The following ANO2 variants were observed in gnomAD, a reference collection of about 807,000 sequenced individuals.
The protein encoded by ANO2 is anoctamin 2.
ANO2 carries 101 observed loss-of-function variants against 124.2 expected under a neutral mutation model. The ratio of observed to expected loss-of-function variants is 0.81; its 90% CI spans 0.69 to 0.96. The LOEUF (loss-of-function observed/expected upper bound fraction) is 0.96. ANO2 is among the 40% of genes least tolerant of loss of function. ANO2 has a pLI of 0.00. For synonymous variants in ANO2, 486 were observed against 482.5 expected, an observed-to-expected ratio of 1.01 and a Z score of -0.09; for missense variants, 1,293 against 1,274.5, an observed-to-expected ratio of 1.01 and a Z score of -0.22.
At position 5,647,738 on chromosome 12, in the gene ANO2, T is replaced by C. The variant is rs1946716579; in HGVS notation, c.1609A>G (p.Ile537Val). 2 of 1,609,888 alleles carry C rather than the reference T, an allele frequency of 1.2e-6. No homozygotes were observed. The highest frequency in any genetic ancestry group is 8.5e-7 in the Non-Finnish European group (1 of 1,178,368). The change falls in exon 15 of 25, where the codon ATC (isoleucine) becomes GTC (valine). Residue 537 changes from isoleucine (I) to valine (V), a missense_variant. Physicochemically the swap from Ile to Val is conservative, Grantham distance 29. Coordinates refer to ENST00000682330, the MANE Select transcript of ANO2 (RefSeq NM_001364791.2). ...FPGYLMNFAS[I>V]LFMIALTFSI... ...CTCAAGGAAATTACCATGAATAAGA[T>C]GGAGGCAAAGTTCATCAGGTAACCT... is the stretch of plus-strand genomic sequence containing the variant.
At chr12:5,701,795 G>T (rs1267136157) in intron 14 of ANO2, among the ~76,000 whole-genome samples, 1 of 152,052 alleles carries the variant, frequency 6.6e-6, no homozygotes, top group Admixed American at 6.6e-5. Context: ...AAACTAAAAC[G>T]GTCTCTTCCT....
intron 20 of ANO2, among the ~76,000 whole-genome samples, chr12:5,596,778 C>T (rs892967220): frequency 1.3e-5 from 2 of 152,094 alleles, no homozygotes; most frequent in South Asian, 2.1e-4. Context: ...GGCTTCAAGA[C>T]CATTAAGAGG....
chr12:5,758,361 G>A (rs1951641995), intron 10 of ANO2, among the ~76,000 whole-genome samples: 1 of 152,188 alleles, frequency 6.6e-6, no homozygotes, highest in Non-Finnish European at 1.5e-5. Flanking sequence ...TCATTTCTGA[G>A]GCTTGAGTGC....
chr12:5,613,012 C>T lies in ANO2; in HGVS notation c.1929-54G>A, dbSNP rs186694643. ...GGGGAAGAGAAAGCATGCAGGGTGGCTCAAGGACATGTCTTCTGAGGGGAA... is the reference window on the plus strand; with the variant it reads ...GGGGAAGAGAAAGCATGCAGGGTGGTTCAAGGACATGTCTTCTGAGGGGAA... On this transcript the variant is annotated intron_variant, in intron 17 of 24. Transcript: ENST00000682330. 113 of 1,576,130 alleles carry T rather than the reference C, an allele frequency of 7.2e-5. No individual in the cohort carries two copies. The East Asian group carries it at 2.4e-3, about 33-fold the overall frequency.
At chr12:5,571,454 G>A (rs1293326132) in intron 23 of ANO2, among the ~76,000 whole-genome samples, 1 of 152,170 alleles carries the variant, frequency 6.6e-6, no homozygotes, top group Non-Finnish European at 1.5e-5. Flanking sequence ...TCTATCCCTG[G>A]CGAGGCTGGG....
At chr12:5,669,566 T>A (rs1434384407) in intron 14 of ANO2, among the ~76,000 whole-genome samples, 3 of 152,196 alleles carry the variant, frequency 2.0e-5, no homozygotes, top group Non-Finnish European at 4.4e-5. Context: ...GAACTTCCAA[T>A]ACTATGTTGA....
Position 5,635,599 on chromosome 12 carries a change from T to TCACACACACACACA in ANO2, c.1621-266_1621-253dup, listed in dbSNP as rs60128304. Among the ~76,000 whole-genome samples the TCACACACACACACA allele has an allele frequency of 7.6e-3, 1,116 of 146,872 alleles. 13 individuals are homozygous for TCACACACACACACA. The highest frequency in any genetic ancestry group is 0.026 in the African/African-American group (1,042 of 39,544). On this transcript the variant is annotated intron_variant, in intron 15 of 24. Transcript: ENST00000682330. The surrounding 1 kb of genome is among the most constrained non-coding windows in gnomAD (Gnocchi z 5.2). ...TTTTTGTCAGATTCCAAATGATTTA[T>TCACACACACACACA]CACACACACACACACACACACACAC... is the stretch of plus-strand genomic sequence containing the variant.
chr12:5,901,452 A>G (rs1188897618), intron 3 of ANO2, among the ~76,000 whole-genome samples: 1 of 152,176 alleles, frequency 6.6e-6, no homozygotes, highest in East Asian at 1.9e-4. Context: ...TGGCAGCAAG[A>G]AAGGTTCGGG....
chr12:5,850,640 A>G (rs1591694451), intron 4 of ANO2, among the ~76,000 whole-genome samples: 1 of 152,078 alleles, frequency 6.6e-6, no homozygotes, highest in East Asian at 1.9e-4. Flanking sequence ...ATGAGTTACT[A>G]CTTGACACAG....
intron 3 of ANO2, among the ~76,000 whole-genome samples, chr12:5,866,872 G>A (rs1955440603): frequency 6.6e-6 from 1 of 152,236 alleles, no homozygotes; most frequent in Non-Finnish European, 1.5e-5. Context: ...CCTAGTCAAG[G>A]AACCTTTAAG....
At chr12:5,830,344 G>T in intron 6 of ANO2, 91 bp downstream of exon 6, 1 of 1,308,738 alleles carries the variant, frequency 7.6e-7, no homozygotes, top group Non-Finnish European at 1.1e-6. Flanking sequence ...AACGGTGTGA[G>T]GTGGCAGGGA....
At chr12:5,578,093 G>C in intron 21 of ANO2, 86 bp from the exon 22 acceptor site, 1 of 1,488,762 alleles carries the variant, frequency 6.7e-7, no homozygotes, top group East Asian at 2.3e-5. Flanking sequence ...ATGTTTTGCA[G>C]GTGAACTACG....
intron 12 of ANO2, chr12:5,740,743 T>C (rs1194571430): frequency 1.3e-5 from 2 of 152,208 alleles, no homozygotes; most frequent in African/African-American, 4.8e-5. Context: ...CCTGCCTACA[T>C]GTTCAATGGC....
intron 3 of ANO2, among the ~76,000 whole-genome samples, chr12:5,914,136 G>C (rs1361619097): frequency 1.3e-5 from 2 of 151,854 alleles, no homozygotes; most frequent in East Asian, 1.9e-4. Flanking sequence ...GGAGGCGGAG[G>C]TTGCAGTGAG....
intron 14 of ANO2, among the ~76,000 whole-genome samples, chr12:5,660,339 C>T (rs1228119169): frequency 4.0e-5 from 6 of 151,054 alleles, no homozygotes; most frequent in Non-Finnish European, 8.8e-5. Flanking sequence ...TACCATGATC[C>T]GGGCTTTGAC....
chr12:5,834,116 C>G (rs1954242085), intron 4 of ANO2, among the ~76,000 whole-genome samples: 1 of 152,124 alleles, frequency 6.6e-6, no homozygotes, highest in Non-Finnish European at 1.5e-5. Context: ...CCAAGTGACC[C>G]CAGTCAACAC....
intron 14 of ANO2, among the ~76,000 whole-genome samples, chr12:5,715,254 C>T (rs190157432): frequency 6.6e-6 from 1 of 152,166 alleles, no homozygotes; most frequent in Non-Finnish European, 1.5e-5. Flanking sequence ...CATTTACCAA[C>T]CGGGACACAT....
rs531383041 is a variant in ANO2, at chr12:5,770,082, T to C, written c.1056-19112A>G. On this transcript the variant is annotated intron_variant, in intron 10 of 24. Coordinates refer to ENST00000682330, the MANE Select transcript of ANO2 (RefSeq NM_001364791.2). Reference sequence around the variant, plus strand: ...AAGCCCTTAGGTTGCAGACCCAATATTCAAACTCTAATCTGTTGAGGGAGA... The same window carrying C: ...AAGCCCTTAGGTTGCAGACCCAATACTCAAACTCTAATCTGTTGAGGGAGA... Among the ~76,000 whole-genome samples, 4 of 152,306 alleles carry C rather than the reference T, an allele frequency of 2.6e-5. No homozygotes were observed. In the South Asian group the frequency reaches 8.3e-4, roughly 32 times the overall value.
chr12:5,879,624 A>T (rs1030835317), intron 3 of ANO2, among the ~76,000 whole-genome samples: 1 of 152,220 alleles, frequency 6.6e-6, no homozygotes, highest in South Asian at 2.1e-4. Context: ...GTCAAAGAAG[A>T]CTTCATAGAA....
Sources: allele counts gnomAD v4.1 joint callset (sites outside exome capture counted in the v4.1 genomes callset), GRCh38; gene constraint gnomAD v4.1.1; non-coding constraint Gnocchi (gnomAD v3.1); transcripts MANE v1.5; gene names NCBI Gene and HGNC (gene_info 2026-07-23, HGNC 2026-07-21).